Variants in ANKRD44 observed in about 807,000 individuals in gnomAD.
The protein encoded by ANKRD44 is ankyrin repeat domain 44, also known as serine/threonine-protein phosphatase 6 regulatory ankyrin repeat subunit B.
Under a neutral mutation model 116.0 loss-of-function variants are expected in ANKRD44, and 35 were observed. The observed-to-expected ratio is 0.30, with a 90% CI of 0.23 to 0.40. The LOEUF (loss-of-function observed/expected upper bound fraction) is 0.40. ANKRD44 is among the 10% of genes least tolerant of loss of function. ANKRD44 has a pLI of 1.00. For synonymous variants in ANKRD44, 435 were observed against 461.8 expected (o/e 0.94, Z 0.74); for missense variants, 1,014 against 1,242.6 (o/e 0.82, Z 2.77).
rs1341740651 is a variant in ANKRD44, at chr2:197,305,443, C to T, written c.27+5135G>A. On this transcript the variant is annotated intron_variant, in intron 1 of 27. Transcript: ENST00000282272. ...AGCTCTGCCTGTTTTTAAATTATTTCGTGCTATACTTTAGCCTATAAAAAT... is the reference window on the plus strand; with the variant it reads ...AGCTCTGCCTGTTTTTAAATTATTTTGTGCTATACTTTAGCCTATAAAAAT... 2.6e-5 allele frequency among the ~76,000 whole-genome samples: 4 copies of T among 152,264 alleles called. No individual in the cohort carries two copies. The East Asian group carries it at 5.8e-4, about 22-fold the overall frequency.
rs1033142147 is a variant in ANKRD44 at position 197,055,316 on chromosome 2, T to G, written c.1650+23387A>C. Among the ~76,000 whole-genome samples, 96 of 152,222 alleles carry G rather than the reference T, an allele frequency of 6.3e-4. 1 individual carries two copies. The highest frequency in any genetic ancestry group is 1.6e-4 in the Non-Finnish European group (11 of 68,034). ...TTTTTTTCTTATTGGCTTTTAAGGT[T>G]TCTTTATATGTTCTGTAGGAGTTCT... On this transcript the variant is annotated intron_variant, in intron 16 of 27. Coordinates refer to ENST00000282272, the MANE Select transcript of ANKRD44 (RefSeq NM_001195144.2).
chr2:197,110,835 C>T lies in ANKRD44; in HGVS notation c.916G>A (p.Gly306Ser). The T allele has an allele frequency of 6.2e-7, 1 of 1,613,736 alleles. No homozygotes were observed. Among genetic ancestry groups the T allele is most frequent in the Non-Finnish European group, 8.5e-7 (1 of 1,179,784 alleles). The change falls in exon 9 of 28, where the codon GGC becomes AGC. Residue 306 changes from glycine to serine, a missense_variant. Coordinates refer to ENST00000282272, the MANE Select transcript of ANKRD44 (RefSeq NM_001195144.2). ...GADVNIQSKD[G>S]KSPLHMTAVH... ...GCTGTCATGTGCAGTGGACTTTTGCCATCTTTACTCTAAAAAAAAGAGAGG... is the reference window on the plus strand; with the variant it reads ...GCTGTCATGTGCAGTGGACTTTTGCTATCTTTACTCTAAAAAAAAGAGAGG...
chr2:197,274,249 C>T (rs1031977934), intron 1 of ANKRD44, among the ~76,000 whole-genome samples: 6 of 151,944 alleles, frequency 3.9e-5, no homozygotes, highest in African/African-American at 9.7e-5. Flanking sequence ...TTCTCTCAGC[C>T]TCAGTTTCCT....
Position 197,062,827 on chromosome 2 carries a change from G to A in ANKRD44, c.1650+15876C>T, listed in dbSNP as rs186305081. Among the ~76,000 whole-genome samples the A allele has an allele frequency of 2.6e-3, 397 of 152,360 alleles. 1 individual carries two copies. Among genetic ancestry groups the A allele is most frequent in the East Asian group, 0.016 (85 of 5,182 alleles). The stretch of plus-strand genomic sequence containing the variant: ...GGTAAACAAAACAGCCAGGAAGCTC[G>A]AACTGGGTGGAGCCCACCACAGCTC... On this transcript the variant is annotated intron_variant, in intron 16 of 27. Coordinates refer to ENST00000282272, the MANE Select transcript of ANKRD44 (RefSeq NM_001195144.2).
At chr2:197,068,083 C>T (rs1179232171) in intron 16 of ANKRD44, among the ~76,000 whole-genome samples, 33 of 123,010 alleles carry the variant, frequency 2.7e-4, no homozygotes, top group Non-Finnish European at 5.2e-4. Flanking sequence ...AAATTGGAAA[C>T]CATCATTCTC....
At chr2:197,087,678 T>A (rs2077957861) in intron 12 of ANKRD44, among the ~76,000 whole-genome samples, 2 of 152,170 alleles carry the variant, frequency 1.3e-5, no homozygotes, top group East Asian at 1.9e-4. Flanking sequence ...AATAGCTCTT[T>A]CAATCATAAC....
intron 4 of ANKRD44, among the ~76,000 whole-genome samples, chr2:197,131,329 C>T (rs1184174515): frequency 6.6e-6 from 1 of 151,536 alleles, no homozygotes; most frequent in African/African-American, 2.4e-5. Flanking sequence ...GTAGCTGGGA[C>T]TACAGGCGCC....
rs771478055 is a variant in ANKRD44 at position 197,001,741 on chromosome 2, G to A, written c.2435+12C>T. 4.9e-5 allele frequency: 78 copies of A among 1,583,918 alleles called. No homozygotes were observed. Among genetic ancestry groups the A allele is most frequent in the East Asian group, 3.4e-4 (15 of 44,540 alleles). ...TAAAGCAACATCATTAACTCTCAGCGTTTCTACTTACATTGCACAGTGCAG... is the reference window on the plus strand; with the variant it reads ...TAAAGCAACATCATTAACTCTCAGCATTTCTACTTACATTGCACAGTGCAG... On this transcript the variant is annotated intron_variant, in intron 22 of 27. Coordinates refer to ENST00000282272, the MANE Select transcript of ANKRD44 (RefSeq NM_001195144.2).
chr2:197,006,475 A>G (rs1057497805), intron 20 of ANKRD44, among the ~76,000 whole-genome samples: 1 of 152,164 alleles, frequency 6.6e-6, no homozygotes, highest in African/African-American at 2.4e-5. Flanking sequence ...ATCATGATGC[A>G]GCAGTAAACA....
chr2:197,026,452 G>A (rs1037202372), intron 16 of ANKRD44, among the ~76,000 whole-genome samples: 5 of 152,206 alleles, frequency 3.3e-5, no homozygotes, highest in African/African-American at 1.2e-4. Flanking sequence ...AGGGAGCCTT[G>A]TGAATATCTT....
At chr2:197,259,481 T>A (rs1424855031) in intron 1 of ANKRD44, among the ~76,000 whole-genome samples, 3 of 152,212 alleles carry the variant, frequency 2.0e-5, no homozygotes, top group African/African-American at 7.2e-5. Flanking sequence ...TCCTCTTGTC[T>A]AGCCCACCAT....
At position 196,979,554 on chromosome 2, in the gene ANKRD44, C is replaced by CTTTTTTTTT. The variant is rs71012942; in HGVS notation, c.2369-12117_2369-12109dup. Among the ~76,000 whole-genome samples, 257 of 59,644 alleles carry CTTTTTTTTT rather than the reference C, an allele frequency of 4.3e-3. 19 individuals are homozygous for CTTTTTTTTT. The highest frequency in any genetic ancestry group is 0.013 in the African/African-American group (205 of 15,666). The allele number at this position is 59,644 out of a possible 152,430, so 39.1% of individuals were successfully genotyped here. A position where few individuals can be genotyped will look rare whatever the true frequency, so the allele number is the denominator to read the frequency against. ...CAGCCTGAGTAATTTAATAAGATGACTTTTTTTTTTTTTTTTTTTTTTTTT... is the reference window on the plus strand; with the variant it reads ...CAGCCTGAGTAATTTAATAAGATGACTTTTTTTTTTTTTTTTTTTTTTTTTTTTTTTTTT... On this transcript the variant is annotated intron_variant, in intron 21 of 21. Transcript: ENST00000424317.
chr2:197,254,730 G>A (rs1185491635), intron 1 of ANKRD44, among the ~76,000 whole-genome samples: 2 of 148,408 alleles, frequency 1.3e-5, no homozygotes, highest in Non-Finnish European at 3.0e-5. Flanking sequence ...GTGTGTATAT[G>A]TGTGTATAGA....
chr2:197,008,943 C>CAAAGA lies in ANKRD44; in HGVS notation c.2012_2012+1insTCTTT (p.Gln671HisfsTer3), dbSNP rs2076247359. 6.2e-7 allele frequency: 1 copy of CAAAGA among 1,613,876 alleles called. No homozygotes were observed. Among genetic ancestry groups the CAAAGA allele is most frequent in the Non-Finnish European group, 8.5e-7 (1 of 1,179,884 alleles). On this transcript the variant is annotated frameshift_variant and splice_region_variant. Transcript: ENST00000282272. LOFTEE classifies it high-confidence loss of function. The stretch of plus-strand genomic sequence containing the variant: ...CCAAGGCCACGTGTGAGCGCACTTA[C>CAAAGA]TGTCCTTTGGCATCTTTCACATCGA...
chr2:197,226,671 A>G (rs1180721317), intron 1 of ANKRD44, among the ~76,000 whole-genome samples: 1 of 149,954 alleles, frequency 6.7e-6, no homozygotes, highest in Non-Finnish European at 1.5e-5. Context: ...CAAAAAAAAA[A>G]GTTTCCCTGG....
intron 27 of ANKRD44, 141 bp from the exon 28 acceptor site, chr2:196,989,790 C>A (rs764970139): frequency 7.2e-5 from 105 of 1,465,400 alleles, no homozygotes; most frequent in Non-Finnish European, 8.7e-5. Context: ...ACACTTTTCA[C>A]TGACTTGGTA....
At chr2:197,150,503 C>T (rs540314630) in intron 2 of ANKRD44, among the ~76,000 whole-genome samples, 106 of 152,024 alleles carry the variant, frequency 7.0e-4, no homozygotes, top group African/African-American at 2.4e-3. Flanking sequence ...GAGCCAAGAT[C>T]GCGCCACTGC....
At chr2:197,142,429 A>G (rs946879014) in intron 3 of ANKRD44, among the ~76,000 whole-genome samples, 11 of 152,236 alleles carry the variant, frequency 7.2e-5, no homozygotes, top group Admixed American at 5.9e-4. Flanking sequence ...TAATATAACA[A>G]AATCAGCTTG....
At chr2:197,015,671 G>A (rs1449976058) in intron 17 of ANKRD44, 4 of 556,166 alleles carry the variant, frequency 7.2e-6, no homozygotes, top group Non-Finnish European at 9.9e-6. Flanking sequence ...TATGGAGGAG[G>A]TGATGGTGGG....
Sources: allele counts gnomAD v4.1 joint callset (sites outside exome capture counted in the v4.1 genomes callset), GRCh38; gene constraint gnomAD v4.1.1; transcripts MANE v1.5; gene names NCBI Gene and HGNC (gene_info 2026-07-23, HGNC 2026-07-21).